Variants in NR3C2 observed in about 807,000 individuals in gnomAD.
The protein encoded by NR3C2 is mineralocorticoid receptor.
A neutral mutation model predicts 86.4 loss-of-function variants in NR3C2; 15 were observed. That is an observed-to-expected ratio of 0.17 (90% CI 0.12 to 0.27). NR3C2 has a LOEUF of 0.27. Among genes scored for constraint, NR3C2 ranks in the 10% least tolerant of loss-of-function variants. The pLI, the probability that NR3C2 is intolerant of heterozygous loss-of-function variation, is 1.00. For missense variants in NR3C2, 960 were observed against 1,195.6 expected, an observed-to-expected ratio of 0.80 and a Z score of 2.91; for synonymous variants, 458 against 450.5, an observed-to-expected ratio of 1.02 and a Z score of -0.21.
chr4:148,099,188 G>A (rs1225132952), intron 8 of NR3C2, among the ~76,000 whole-genome samples: 1 of 152,200 alleles, frequency 6.6e-6, no homozygotes, highest in Non-Finnish European at 1.5e-5. Context: ...GGGGCCCTGT[G>A]CAAAATGAAC....
At chr4:148,162,598 A>G (rs1578958485) in intron 4 of NR3C2, among the ~76,000 whole-genome samples, 1 of 152,276 alleles carries the variant, frequency 6.6e-6, no homozygotes, top group South Asian at 2.1e-4. Flanking sequence ...CAATGGAGAA[A>G]GCTTCTGGAG....
upstream of NR3C2, chr4:148,442,556 G>T: frequency 1.4e-6 from 1 of 710,800 alleles, no homozygotes; most frequent in Non-Finnish European, 1.7e-6. Flanking sequence ...AGTTCAGGTT[G>T]CTATCCCGCC....
At chr4:148,428,316 T>C (rs567403246) in intron 2 of NR3C2, among the ~76,000 whole-genome samples, 61 of 152,284 alleles carry the variant, frequency 4.0e-4, no homozygotes, top group Middle Eastern at 3.4e-3. Context: ...AATCTAATCA[T>C]GAGGAAACAT....
intron 4 of NR3C2, among the ~76,000 whole-genome samples, chr4:148,170,256 T>C (rs1735061633): frequency 6.6e-6 from 1 of 152,190 alleles, no homozygotes; most frequent in South Asian, 2.1e-4. Flanking sequence ...TGAGATTCAC[T>C]GGTCTATACT....
intron 8 of NR3C2, among the ~76,000 whole-genome samples, chr4:148,091,527 G>T (rs6853764): frequency 0.092 from 13,991 of 152,284 alleles, 775 homozygotes; most frequent in Middle Eastern, 0.15. Flanking sequence ...AGCTGGGTGA[G>T]ATTCACATAT....
At chr4:148,233,692 G>C (rs1261421747) in intron 3 of NR3C2, among the ~76,000 whole-genome samples, 1 of 152,130 alleles carries the variant, frequency 6.6e-6, no homozygotes, top group East Asian at 1.9e-4. Flanking sequence ...AGGAGAGGAA[G>C]AGAGATGGAG....
chr4:148,429,004 C>T (rs1429142487), intron 2 of NR3C2, among the ~76,000 whole-genome samples: 1 of 152,150 alleles, frequency 6.6e-6, no homozygotes, highest in Non-Finnish European at 1.5e-5. Flanking sequence ...CCCCCAACCC[C>T]GACATCACAG....
At chr4:148,293,237 A>G (rs1370024074) in intron 2 of NR3C2, among the ~76,000 whole-genome samples, 1 of 152,200 alleles carries the variant, frequency 6.6e-6, no homozygotes, top group Non-Finnish European at 1.5e-5. Flanking sequence ...GCACCCACAC[A>G]GAAGAAGCTA....
chr4:148,223,724 A>C (rs1294946893), intron 3 of NR3C2, among the ~76,000 whole-genome samples: 4 of 152,236 alleles, frequency 2.6e-5, no homozygotes, highest in Non-Finnish European at 5.9e-5. Context: ...AATAAGACTC[A>C]GAGGCTGATT....
intron 2 of NR3C2, among the ~76,000 whole-genome samples, chr4:148,428,009 A>G (rs1749633815): frequency 6.6e-6 from 1 of 152,236 alleles, no homozygotes; most frequent in Admixed American, 6.5e-5. Flanking sequence ...CACAGTTTCA[A>G]AGTACCTTCC....
chr4:148,104,704 T>C (rs982721947), intron 8 of NR3C2, among the ~76,000 whole-genome samples: 7 of 152,204 alleles, frequency 4.6e-5, no homozygotes, highest in African/African-American at 1.4e-4. Flanking sequence ...CAGTGCCTGT[T>C]ATGTGGTAGA....
At chr4:148,186,395 G>A (rs1735891703) in intron 4 of NR3C2, among the ~76,000 whole-genome samples, 1 of 151,948 alleles carries the variant, frequency 6.6e-6, no homozygotes, top group South Asian at 2.1e-4. Flanking sequence ...ATTTCCTCCA[G>A]TTTCATATTG....
chr4:148,274,565 C>T (rs1415399152), intron 2 of NR3C2, among the ~76,000 whole-genome samples: 1 of 152,102 alleles, frequency 6.6e-6, no homozygotes, highest in Non-Finnish European at 1.5e-5. Flanking sequence ...CTCCTGCTGC[C>T]ATGTAAGACG....
intron 2 of NR3C2, among the ~76,000 whole-genome samples, chr4:148,348,796 C>T (rs956950037): frequency 1.3e-5 from 2 of 152,122 alleles, no homozygotes; most frequent in African/African-American, 2.4e-5. Context: ...TTTTAATTTG[C>T]TCCTTCTAAT....
intron 8 of NR3C2, among the ~76,000 whole-genome samples, chr4:148,109,105 C>G (rs954059582): frequency 6.6e-6 from 1 of 152,166 alleles, no homozygotes; most frequent in African/African-American, 2.4e-5. Context: ...TATCTAGGAA[C>G]CTTAAGAAAT....
At chr4:148,234,390 G>A (rs1407452261) in intron 3 of NR3C2, among the ~76,000 whole-genome samples, 2 of 152,080 alleles carry the variant, frequency 1.3e-5, no homozygotes, top group Non-Finnish European at 2.9e-5. Context: ...GGGAGGGAGA[G>A]GCTGGGGGCA....
intron 8 of NR3C2, among the ~76,000 whole-genome samples, chr4:148,095,745 A>G (rs1382915455): frequency 6.6e-6 from 1 of 152,192 alleles, no homozygotes; most frequent in Non-Finnish European, 1.5e-5. Flanking sequence ...GTGCAGGCTC[A>G]GGCAGTCTGG....
chr4:148,444,546 G>C, upstream of NR3C2: 2 of 987,548 alleles, frequency 2.0e-6, no homozygotes, highest in East Asian at 1.1e-4. Flanking sequence ...ACATGGTGGG[G>C]AGGCTGGGGC....
intron 4 of NR3C2, among the ~76,000 whole-genome samples, chr4:148,178,050 CT>C (rs1251405632): frequency 2.6e-5 from 4 of 152,188 alleles, no homozygotes; most frequent in Admixed American, 2.0e-4. Flanking sequence ...AAAATAAAGC[CT>C]TCAGGGCTGG....
Sources: gnomAD v4.1 joint callset for allele counts (sites outside exome capture counted in the v4.1 genomes callset) on GRCh38, gnomAD v4.1.1 for gene constraint, MANE v1.5 for transcripts, NCBI Gene and HGNC (gene_info 2026-07-23, HGNC 2026-07-21) for gene names.